RAB38: variants seen among roughly 807,000 people sequenced by gnomAD.
The protein encoded by RAB38 is ras-related protein Rab-38.
RAB38 carries 15 observed loss-of-function variants against 18.4 expected under a neutral mutation model. The observed-to-expected ratio is 0.82, with a 90% CI of 0.55 to 1.26. RAB38 has a LOEUF of 1.26. Among genes scored for constraint, RAB38 ranks in the 50% most tolerant of loss-of-function variants. RAB38 has a pLI of 0.00. For synonymous variants in RAB38, 101 were observed against 104.4 expected (o/e 0.97, Z 0.20); for missense variants, 294 against 267.4 (o/e 1.10, Z -0.69).
At chr11:87,935,178 A>T in the RAB38 span, among the ~76,000 whole-genome samples, 2 of 152,086 alleles carry the variant, frequency 1.3e-5, no homozygotes, top group African/African-American at 4.8e-5. Context: ...TAAATATTAG[A>T]TATCCTTTTA....
chr11:88,173,783 GC>G, intron 1 of RAB38: 1 of 985,302 alleles, frequency 1.0e-6, no homozygotes, highest in Non-Finnish European at 1.2e-6. Flanking sequence ...TAACCCCCTT[GC>G]TACTAGAGCA....
Position 88,175,405 on chromosome 11 carries a change from G to T in RAB38, c.-21C>A. The T allele has an allele frequency of 6.2e-7, 1 of 1,613,542 alleles. No individual in the cohort carries two copies. Among genetic ancestry groups the T allele is most frequent in the Non-Finnish European group, 8.5e-7 (1 of 1,179,686 alleles). ...TGCATCCTGGCGGCCGGCCAGACGT[G>T]CCGTGCCTGACCAGGGAAGCGCAGC... On this transcript the variant is annotated 5_prime_UTR_variant, in exon 1 of 3. Coordinates refer to ENST00000243662, the MANE Select transcript of RAB38 (RefSeq NM_022337.3).
the RAB38 span, among the ~76,000 whole-genome samples, chr11:87,961,443 A>G: frequency 2.0e-5 from 3 of 152,146 alleles, no homozygotes; most frequent in Non-Finnish European, 4.4e-5. Context: ...AGAGTATCAC[A>G]GCCGTGCAAG....
At chr11:87,956,301 CT>C in the RAB38 span, among the ~76,000 whole-genome samples, 1 of 152,090 alleles carries the variant, frequency 6.6e-6, no homozygotes, top group Non-Finnish European at 1.5e-5. Flanking sequence ...AGCTATTGTT[CT>C]TATTATAAAA....
chr11:87,807,295 T>C, the RAB38 span, among the ~76,000 whole-genome samples: 980 of 152,238 alleles, frequency 6.4e-3, 4 homozygotes, highest in East Asian at 0.02. Context: ...CAAACAAAGT[T>C]TGAGATTTAA....
chr11:88,010,673 T>C, the RAB38 span, among the ~76,000 whole-genome samples: 2 of 152,290 alleles, frequency 1.3e-5, no homozygotes, highest in Admixed American at 1.3e-4. Context: ...ATTTTACAAA[T>C]CACTTTTATA....
the RAB38 span, among the ~76,000 whole-genome samples, chr11:88,071,792 G>A: frequency 6.6e-6 from 1 of 152,164 alleles, no homozygotes. Flanking sequence ...AGCTGAGGAT[G>A]AATTCAGGAA....
chr11:87,959,986 A>G, the RAB38 span, among the ~76,000 whole-genome samples: 1 of 152,194 alleles, frequency 6.6e-6, no homozygotes, highest in South Asian at 2.1e-4. Context: ...AGCTTAGCCT[A>G]TAACCTAAGT....
the RAB38 span, among the ~76,000 whole-genome samples, chr11:87,868,018 G>C: frequency 1.1e-4 from 16 of 151,812 alleles, no homozygotes; most frequent in African/African-American, 3.9e-4. Flanking sequence ...GATATGTCAA[G>C]ATTGATACAT....
At chr11:87,851,817 C>G in the RAB38 span, among the ~76,000 whole-genome samples, 9 of 152,078 alleles carry the variant, frequency 5.9e-5, no homozygotes, top group Non-Finnish European at 7.4e-5. Context: ...CTGAAGTACC[C>G]TTGTAGGGGA....
At chr11:87,893,390 A>ATATATATATATATATATT in the RAB38 span, among the ~76,000 whole-genome samples, 1,055 of 93,854 alleles carry the variant, frequency 0.011, 18 homozygotes, top group African/African-American at 0.037. Flanking sequence ...ATATATATAT[A>ATATATATATATATATATT]TTTTTTTTTT....
At chr11:87,912,851 G>A in the RAB38 span, among the ~76,000 whole-genome samples, 1 of 116,382 alleles carries the variant, frequency 8.6e-6, no homozygotes, top group East Asian at 2.6e-4. Flanking sequence ...TTCTTTATCT[G>A]CTACTTTAGG....
At chr11:87,866,045 A>C in the RAB38 span, among the ~76,000 whole-genome samples, 1 of 151,876 alleles carries the variant, frequency 6.6e-6, no homozygotes, top group African/African-American at 2.4e-5. Context: ...GGAGTCTCAG[A>C]AAGTATGAAT....
chr11:87,849,536 G>A, the RAB38 span, among the ~76,000 whole-genome samples: 9 of 152,090 alleles, frequency 5.9e-5, no homozygotes, highest in African/African-American at 1.9e-4. Flanking sequence ...GCATCAGAGA[G>A]ACAGTTTCAG....
chr11:88,114,093 T>G lies in RAB38; in HGVS notation c.531A>C (p.Ile177=). Residue 177 remains isoleucine, a synonymous_variant, in exon 3 of 3, where the codon ATA becomes ATC. Coordinates refer to ENST00000243662, the MANE Select transcript of RAB38 (RefSeq NM_022337.3). ...CCATTAGGTCACACTCATTTGCAAG[T>G]ATGTGTTTCACCAGGCATCTGGAGG... is the stretch of plus-strand genomic sequence containing the variant. ...DEASRCLVKH[I]LANECDLMES... 1 of 1,614,212 alleles carries G rather than the reference T, an allele frequency of 6.2e-7. No individual in the cohort carries two copies.
At chr11:88,123,335 C>T (rs963197266) in intron 2 of RAB38, among the ~76,000 whole-genome samples, 12 of 152,060 alleles carry the variant, frequency 7.9e-5, no homozygotes, top group African/African-American at 2.7e-4. Flanking sequence ...ACAGACTAAG[C>T]GAATGACTGA....
At chr11:87,957,156 C>T in the RAB38 span, among the ~76,000 whole-genome samples, 1 of 152,050 alleles carries the variant, frequency 6.6e-6, no homozygotes, top group African/African-American at 2.4e-5. Context: ...CAAATTGATT[C>T]CCCCTTTGTC....
At chr11:87,863,647 T>C in the RAB38 span, among the ~76,000 whole-genome samples, 3 of 151,888 alleles carry the variant, frequency 2.0e-5, no homozygotes, top group African/African-American at 7.2e-5. Flanking sequence ...CTTTTAGGCC[T>C]CCTCAAAGTT....
chr11:87,816,080 T>G, the RAB38 span: 1 of 152,164 alleles, frequency 6.6e-6, no homozygotes, highest in African/African-American at 2.4e-5. Flanking sequence ...TGTAGAGATG[T>G]TAGATGGTGT....
Sources: gnomAD v4.1 joint callset for allele counts (sites outside exome capture counted in the v4.1 genomes callset) on GRCh38, gnomAD v4.1.1 for gene constraint, MANE v1.5 for transcripts, NCBI Gene and HGNC (gene_info 2026-07-23, HGNC 2026-07-21) for gene names.